REDIC1: variants seen among roughly 807,000 people sequenced by gnomAD.
The protein encoded by REDIC1 is regulator of DNA class I crossover intermediates 1.
At chr12:39,672,166 A>G in the REDIC1 span, among the ~76,000 whole-genome samples, 1 of 152,104 alleles carries the variant, frequency 6.6e-6, no homozygotes, top group African/African-American at 2.4e-5. Flanking sequence ...TGATGGGGCA[A>G]GAGAATTCCT....
chr12:39,713,412 A>G, the REDIC1 span, among the ~76,000 whole-genome samples: 1 of 9,134 alleles, frequency 1.1e-4, no homozygotes, highest in South Asian at 2.5e-3. Flanking sequence ...GTATGTATAC[A>G]CATATACATA....
At chr12:39,743,099 A>G in the REDIC1 span, among the ~76,000 whole-genome samples, 3 of 152,148 alleles carry the variant, frequency 2.0e-5, no homozygotes, top group African/African-American at 7.2e-5. Context: ...CGGGGAAGAG[A>G]CAATTAACCA....
At chr12:39,833,124 C>T in the REDIC1 span, among the ~76,000 whole-genome samples, 1 of 152,058 alleles carries the variant, frequency 6.6e-6, no homozygotes, top group Non-Finnish European at 1.5e-5. Context: ...AAAAATCTGG[C>T]GTACCACTTA....
chr12:39,693,620 C>G, the REDIC1 span, among the ~76,000 whole-genome samples: 1 of 151,912 alleles, frequency 6.6e-6, no homozygotes, highest in Non-Finnish European at 1.5e-5. Context: ...TGTGTTAGTG[C>G]TAGGTATTTC....
chr12:39,666,506 G>C, the REDIC1 span, among the ~76,000 whole-genome samples: 9 of 152,146 alleles, frequency 5.9e-5, no homozygotes, highest in Admixed American at 5.9e-4. Context: ...ATGTTCATCA[G>C]GAATATTGGT....
chr12:39,646,299 A>G, the REDIC1 span: 1 of 719,574 alleles, frequency 1.4e-6, no homozygotes, highest in Middle Eastern at 4.5e-4. Context: ...TTCTTATTTT[A>G]AAATTATAAT....
chr12:39,710,216 A>T, the REDIC1 span, among the ~76,000 whole-genome samples: 1 of 151,860 alleles, frequency 6.6e-6, no homozygotes, highest in African/African-American at 2.4e-5. Context: ...AGGTTTTCGT[A>T]TCGGTATTCA....
At chr12:39,809,779 T>C in the REDIC1 span, among the ~76,000 whole-genome samples, 1 of 152,176 alleles carries the variant, frequency 6.6e-6, no homozygotes, top group Admixed American at 6.5e-5. Flanking sequence ...GTCCTTGCGA[T>C]AGTTTGCTGA....
At chr12:39,843,329 T>G in the REDIC1 span, among the ~76,000 whole-genome samples, 1 of 152,028 alleles carries the variant, frequency 6.6e-6, no homozygotes, top group African/African-American at 2.4e-5. Context: ...TTAATGGGCA[T>G]CACCAAAGGA....
chr12:39,753,188 G>A, the REDIC1 span, among the ~76,000 whole-genome samples: 144 of 152,292 alleles, frequency 9.5e-4, 2 homozygotes, highest in African/African-American at 3.2e-3. Flanking sequence ...TGGAGGTGCA[G>A]TGGAAAAGTA....
chr12:39,653,062 C>A, the REDIC1 span, among the ~76,000 whole-genome samples: 5 of 151,956 alleles, frequency 3.3e-5, no homozygotes, highest in South Asian at 4.1e-4. Context: ...GCAGCACAAT[C>A]AAAAACCAGA....
the REDIC1 span, among the ~76,000 whole-genome samples, chr12:39,871,627 T>C: frequency 5.3e-5 from 8 of 152,080 alleles, no homozygotes; most frequent in African/African-American, 1.9e-4. Flanking sequence ...AGCGTAACAG[T>C]TGTTAAAAGC....
the REDIC1 span, among the ~76,000 whole-genome samples, chr12:39,896,602 A>C: frequency 1.3e-5 from 2 of 151,254 alleles, no homozygotes; most frequent in Non-Finnish European, 3.0e-5. Context: ...ACATATATGT[A>C]TGTATATGTG....
the REDIC1 span, among the ~76,000 whole-genome samples, chr12:39,692,790 CTCTAGGATATATT>C: frequency 6.6e-6 from 1 of 151,992 alleles, no homozygotes; most frequent in Non-Finnish European, 1.5e-5. Flanking sequence ...TAAAAAGTTT[CTCTAGGATATATT>C]TCTAGGAGTA....
At chr12:39,735,188 C>G in the REDIC1 span, among the ~76,000 whole-genome samples, 2 of 152,114 alleles carry the variant, frequency 1.3e-5, no homozygotes, top group African/African-American at 4.8e-5. Flanking sequence ...AGGTGGTGGT[C>G]TGAAGCTGGA....
At chr12:39,741,049 C>G in the REDIC1 span, among the ~76,000 whole-genome samples, 1 of 152,148 alleles carries the variant, frequency 6.6e-6, no homozygotes, top group African/African-American at 2.4e-5. Context: ...TCACTGCAAC[C>G]TCCGCCTCCT....
chr12:39,900,004 G>C, the REDIC1 span, among the ~76,000 whole-genome samples: 1 of 152,088 alleles, frequency 6.6e-6, no homozygotes, highest in Non-Finnish European at 1.5e-5. Context: ...GATCAAGTGG[G>C]CTTCATCCCT....
chr12:39,895,977 TATAC>T, the REDIC1 span, among the ~76,000 whole-genome samples: 86 of 145,046 alleles, frequency 5.9e-4, no homozygotes, highest in East Asian at 3.9e-3. Flanking sequence ...TGTGTATATG[TATAC>T]ATACATTCAT....
At chr12:39,729,537 T>C in the REDIC1 span, among the ~76,000 whole-genome samples, 1 of 152,228 alleles carries the variant, frequency 6.6e-6, no homozygotes, top group Non-Finnish European at 1.5e-5. Context: ...TTTGTTATGA[T>C]TTCCATTCTT....
Sources: allele counts gnomAD v4.1 joint callset (sites outside exome capture counted in the v4.1 genomes callset), GRCh38; gene constraint gnomAD v4.1.1; transcripts MANE v1.5; gene names NCBI Gene and HGNC (gene_info 2026-07-23, HGNC 2026-07-21).